SWAP70: variants seen among roughly 807,000 people sequenced by gnomAD.
The protein encoded by SWAP70 is switching B cell complex subunit SWAP70.
In SWAP70, 34 loss-of-function variants were observed where a neutral mutation model predicts 80.2. That is an observed-to-expected ratio of 0.42 (90% CI 0.32 to 0.56). The LOEUF (loss-of-function observed/expected upper bound fraction) is 0.56, where lower values mean the gene tolerates loss of function less well. Ranked by LOEUF, SWAP70 falls within the 20% of genes least tolerant of loss-of-function variation. The pLI is 0.09. For synonymous variants in SWAP70, 239 were observed against 238.5 expected (o/e 1.00, Z -0.02); for missense variants, 578 against 690.7 (o/e 0.84, Z 1.83).
At chr11:9,703,511 A>T in intron 2 of SWAP70, 1 of 456,106 alleles carries the variant, frequency 2.2e-6, no homozygotes, top group South Asian at 1.5e-5. Context: ...TCTGGACTTG[A>T]TTGTCACTTC....
intron 1 of SWAP70, among the ~76,000 whole-genome samples, chr11:9,672,195 CTATATATATATATATATATATATATATA>C (rs57590750): frequency 2.5e-5 from 2 of 78,438 alleles, no homozygotes; most frequent in Non-Finnish European, 4.6e-5. Context: ...ATGTGTGTGT[CTATATATATATATATATATATATATATA>C]TATATGATTG....
At chr11:9,729,579 A>C (rs1177170010) in intron 6 of SWAP70, 128 bp downstream of exon 6, 2 of 680,846 alleles carry the variant, frequency 2.9e-6, no homozygotes, top group Non-Finnish European at 5.2e-6. Context: ...GCTTACTGCA[A>C]CCTCCACCTC....
chr11:9,697,211 A>G (rs1229772588), intron 2 of SWAP70, among the ~76,000 whole-genome samples: 1 of 151,882 alleles, frequency 6.6e-6, no homozygotes, highest in Non-Finnish European at 1.5e-5. Context: ...AGTAAAGTAT[A>G]GTAATTAGCA....
At chr11:9,738,131 C>T in intron 7 of SWAP70, 82 bp from the exon 8 acceptor site, 2 of 932,414 alleles carry the variant, frequency 2.1e-6, no homozygotes, top group Admixed American at 3.4e-5. Context: ...TTTTCCTGTA[C>T]TTAAGTATGA....
At chr11:9,707,549 TTTC>T (rs1412870687) in intron 2 of SWAP70, among the ~76,000 whole-genome samples, 2 of 141,686 alleles carry the variant, frequency 1.4e-5, no homozygotes, top group Non-Finnish European at 3.1e-5. Context: ...ACATTTTCTT[TTTC>T]TTTTCTTTTT....
In SWAP70 at chr11:9,728,189, G is replaced by C; in HGVS notation, c.779G>C (p.Cys260Ser). Residue 260 changes from cysteine to serine, a missense_variant, in exon 5 of 12, where the codon TGC becomes TCC. By Grantham distance (112) the Cys-to-Ser change is moderately radical (BLOSUM62 -1). Transcript: ENST00000318950. ...KKGDILLDEN[C>S]CVESLPDKDG... Reference sequence around the variant, plus strand: ...GGAGACATTCTCTTGGATGAAAATTGCTGTGTAGAGGTGAGTCTACTCTTA... The same window carrying C: ...GGAGACATTCTCTTGGATGAAAATTCCTGTGTAGAGGTGAGTCTACTCTTA... 1 of 1,609,910 alleles carries C rather than the reference G, an allele frequency of 6.2e-7. No homozygotes were observed. Among genetic ancestry groups the C allele is most frequent in the Non-Finnish European group, 8.5e-7 (1 of 1,178,484 alleles).
intron 3 of SWAP70, among the ~76,000 whole-genome samples, chr11:9,721,183 C>T (rs1250159037): frequency 6.6e-6 from 1 of 152,118 alleles, no homozygotes; most frequent in Non-Finnish European, 1.5e-5. Flanking sequence ...CTTCCCTTTT[C>T]CCTTTTTCTT....
chr11:9,665,735 C>T (rs1417581196), intron 1 of SWAP70, among the ~76,000 whole-genome samples: 3 of 152,194 alleles, frequency 2.0e-5, no homozygotes, highest in Non-Finnish European at 4.4e-5. Context: ...AAGTAATATT[C>T]TATTGCATGG....
At chr11:9,676,742 T>C (rs953905627) in intron 1 of SWAP70, among the ~76,000 whole-genome samples, 7 of 150,412 alleles carry the variant, frequency 4.7e-5, no homozygotes, top group African/African-American at 1.5e-4. Context: ...CTCCGCCTCC[T>C]GGGTTTATGC....
chr11:9,707,779 C>A (rs1850937768), intron 2 of SWAP70, among the ~76,000 whole-genome samples: 3 of 152,050 alleles, frequency 2.0e-5, no homozygotes, highest in Admixed American at 2.0e-4. Context: ...TGGTCTTGAA[C>A]TCCTGACTTC....
chr11:9,721,387 T>C (rs2133802510), intron 3 of SWAP70, among the ~76,000 whole-genome samples: 1 of 152,246 alleles, frequency 6.6e-6, no homozygotes, highest in African/African-American at 2.4e-5. Flanking sequence ...TTTTAGGGTA[T>C]AAGATAAATC....
At chr11:9,703,291 G>A (rs1378972332) in intron 2 of SWAP70, 7 of 449,588 alleles carry the variant, frequency 1.6e-5, no homozygotes, top group East Asian at 7.0e-5. Context: ...ATAACATTCC[G>A]TTACGGATAT....
intron 4 of SWAP70, among the ~76,000 whole-genome samples, chr11:9,725,327 CT>C (rs1303528761): frequency 6.7e-6 from 1 of 150,374 alleles, no homozygotes; most frequent in Non-Finnish European, 1.5e-5. Context: ...TTGTATTAGG[CT>C]TTCATTAAAA....
At chr11:9,680,565 G>A (rs1850554624) in intron 1 of SWAP70, among the ~76,000 whole-genome samples, 1 of 152,024 alleles carries the variant, frequency 6.6e-6, no homozygotes, top group African/African-American at 2.4e-5. Context: ...ACAGGTGCCC[G>A]CTACCACGCC....
At chr11:9,695,054 C>T (rs1013931203) in intron 2 of SWAP70, among the ~76,000 whole-genome samples, 4 of 151,990 alleles carry the variant, frequency 2.6e-5, no homozygotes, top group Admixed American at 1.3e-4. Context: ...TTTGGGAGGC[C>T]GAGGCGGGCA....
chr11:9,711,064 TA>T (rs1850991983), intron 2 of SWAP70, among the ~76,000 whole-genome samples: 1 of 151,694 alleles, frequency 6.6e-6, no homozygotes, highest in Non-Finnish European at 1.5e-5. Flanking sequence ...TTTTTATTTT[TA>T]TTTTTTTAAA....
intron 3 of SWAP70, among the ~76,000 whole-genome samples, chr11:9,721,357 A>T (rs1851132923): frequency 6.6e-6 from 1 of 152,160 alleles, no homozygotes. Flanking sequence ...AAATTTTGGT[A>T]AACACTTACC....
At chr11:9,709,321 A>C (rs1850964377) in intron 2 of SWAP70, among the ~76,000 whole-genome samples, 1 of 152,058 alleles carries the variant, frequency 6.6e-6, no homozygotes, top group African/African-American at 2.4e-5. Flanking sequence ...TAGAAATAAG[A>C]TGTCGCTATA....
intron 2 of SWAP70, among the ~76,000 whole-genome samples, chr11:9,711,799 A>T (rs1351223993): frequency 2.0e-5 from 3 of 152,124 alleles, no homozygotes; most frequent in African/African-American, 7.2e-5. Context: ...TAGATCTGTG[A>T]GGTTACCCAT....
Sources: gnomAD v4.1 joint callset for allele counts (sites outside exome capture counted in the v4.1 genomes callset) on GRCh38, gnomAD v4.1.1 for gene constraint, MANE v1.5 for transcripts, NCBI Gene and HGNC (gene_info 2026-07-23, HGNC 2026-07-21) for gene names.